The following SKA2 variants were observed in gnomAD, a reference collection of about 807,000 sequenced individuals.
SKA2 encodes spindle and kinetochore-associated protein 2.
SKA2 carries 13 observed loss-of-function variants against 16.9 expected under a neutral mutation model. The observed-to-expected ratio is 0.77, with a 90% confidence interval of 0.50 to 1.22. SKA2 has a LOEUF of 1.22. SKA2 is among the 50% of genes most tolerant of loss of function. SKA2 has a pLI of 0.00. For synonymous variants in SKA2, 47 were observed against 48.5 expected (o/e 0.97, Z 0.13); for missense variants, 107 against 139.7 (o/e 0.77, Z 1.18).
intron 2 of SKA2, among the ~76,000 whole-genome samples, chr17:59,125,484 T>G (rs983835698): frequency 2.0e-5 from 3 of 150,242 alleles, no homozygotes; most frequent in Admixed American, 1.3e-4. Context: ...GTGGATCACC[T>G]GAGGTCAGGA....
chr17:59,126,464 T>C (rs2046373429), intron 2 of SKA2, among the ~76,000 whole-genome samples: 1 of 152,070 alleles, frequency 6.6e-6, no homozygotes, highest in African/African-American at 2.4e-5. Context: ...CACATAGTAA[T>C]GTTCAATAAA....
chr17:59,121,063 A>C (rs535373666), intron 2 of SKA2, among the ~76,000 whole-genome samples: 1 of 151,628 alleles, frequency 6.6e-6, no homozygotes, highest in Non-Finnish European at 1.5e-5. Context: ...GAGGCAGGAG[A>C]ATCGCTTGAA....
At chr17:59,125,392 A>G (rs993591299) in intron 2 of SKA2, among the ~76,000 whole-genome samples, 1 of 151,662 alleles carries the variant, frequency 6.6e-6, no homozygotes, top group Non-Finnish European at 1.5e-5. Flanking sequence ...TTTAGTTATC[A>G]TGAGTGGATG....
At chr17:59,146,852 G>A (rs2046536006) in intron 1 of SKA2, among the ~76,000 whole-genome samples, 1 of 152,122 alleles carries the variant, frequency 6.6e-6, no homozygotes, top group Non-Finnish European at 1.5e-5. Context: ...TTTATTTTTA[G>A]TAGAGACGAG....
At chr17:59,123,338 C>T (rs2046349507) in intron 2 of SKA2, among the ~76,000 whole-genome samples, 1 of 145,672 alleles carries the variant, frequency 6.9e-6, no homozygotes, top group Non-Finnish European at 1.5e-5. Context: ...GCGGGTGGAT[C>T]ATGAGGTCAG....
chr17:59,112,310 T>C lies in SKA2; in HGVS notation c.333A>G (p.Ala111=). 1 of 1,611,358 alleles carries C rather than the reference T, an allele frequency of 6.2e-7. No homozygotes were observed. The change falls in exon 4 of 4, where the codon GCA becomes GCG. Residue 111 remains alanine (A), a synonymous_variant. Coordinates refer to ENST00000330137, the MANE Select transcript of SKA2 (RefSeq NM_182620.4). ...SPLTKEEKTA[A]EQFKFHMPDL ...CTGGCATGTGAAATTTGAATTGCTC[T>C]GCCGCAGTTTTCTCTTCTTTAGTCA... is the stretch of plus-strand genomic sequence containing the variant.
intron 1 of SKA2, among the ~76,000 whole-genome samples, chr17:59,132,035 G>A (rs890228241): frequency 6.6e-6 from 1 of 152,160 alleles, no homozygotes; most frequent in African/African-American, 2.4e-5. Context: ...TAGGATGCCT[G>A]AATTAAAGTG....
chr17:59,154,172 GAA>G (rs111310705), intron 1 of SKA2, among the ~76,000 whole-genome samples: 3 of 114,852 alleles, frequency 2.6e-5, no homozygotes, highest in Non-Finnish European at 3.6e-5. Context: ...CCCAACCTGG[GAA>G]AAAAAAAAAA....
At chr17:59,145,090 G>A (rs1446264490) in intron 1 of SKA2, among the ~76,000 whole-genome samples, 1 of 152,176 alleles carries the variant, frequency 6.6e-6, no homozygotes, top group African/African-American at 2.4e-5. Flanking sequence ...GAGCCACCAT[G>A]CCCAGTTGAG....
Position 59,111,134 on chromosome 17 carries a change from A to C in SKA2, c.*1143T>G, listed in dbSNP as rs1364487102. 6.6e-6 allele frequency: 1 copy of C among 152,174 alleles called. No homozygotes were observed. The highest frequency in any genetic ancestry group is 1.5e-5 in the Non-Finnish European group (1 of 68,032). The allele number at this position is 152,174 out of a possible 1,614,324, so 9.4% of individuals were successfully genotyped here. The stretch of plus-strand genomic sequence containing the variant: ...GACACTCAAAAGTTAAGTGATCTGC[A>C]CAGGGTCATAGCTAGAATTTAAAAG... On this transcript the variant is annotated 3_prime_UTR_variant, in exon 4 of 4. Transcript: ENST00000330137.
intron 1 of SKA2, among the ~76,000 whole-genome samples, chr17:59,141,944 T>C (rs1031784276): frequency 2.0e-5 from 3 of 152,062 alleles, no homozygotes; most frequent in Non-Finnish European, 4.4e-5. Flanking sequence ...TCTCATCCTC[T>C]TTGAACCCAT....
At chr17:59,122,171 G>A (rs1227527967) in intron 2 of SKA2, among the ~76,000 whole-genome samples, 1 of 152,116 alleles carries the variant, frequency 6.6e-6, no homozygotes, top group Non-Finnish European at 1.5e-5. Flanking sequence ...TTAGTGAAAA[G>A]TATATAGAAA....
At chr17:59,135,341 G>T (rs1255351975) in intron 1 of SKA2, among the ~76,000 whole-genome samples, 1 of 142,884 alleles carries the variant, frequency 7.0e-6, no homozygotes, top group African/African-American at 2.6e-5. Context: ...TTTTTAGAAG[G>T]AGTCTCACTC....
intron 2 of SKA2, among the ~76,000 whole-genome samples, chr17:59,125,687 A>T (rs1320329800): frequency 6.8e-6 from 1 of 146,572 alleles, no homozygotes; most frequent in Non-Finnish European, 1.5e-5. Flanking sequence ...CCGTCTCCAA[A>T]AAAAAAAAAA....
intron 2 of SKA2, among the ~76,000 whole-genome samples, chr17:59,128,887 T>C (rs1333382997): frequency 6.6e-6 from 1 of 152,086 alleles, no homozygotes; most frequent in Admixed American, 6.6e-5. Context: ...CTTAATTATA[T>C]ACTTTAAAGG....
At chr17:59,147,344 G>A (rs190191361) in intron 1 of SKA2, among the ~76,000 whole-genome samples, 1 of 147,476 alleles carries the variant, frequency 6.8e-6, no homozygotes, top group African/African-American at 2.6e-5. Flanking sequence ...TTAAGGCCAG[G>A]GCTGGTAACT....
intron 1 of SKA2, among the ~76,000 whole-genome samples, chr17:59,154,747 T>C (rs2046608985): frequency 6.6e-6 from 1 of 152,214 alleles, no homozygotes; most frequent in Non-Finnish European, 1.5e-5. Flanking sequence ...TCCCCTTTCT[T>C]GGAGTGTGAA....
rs758187008 is a variant in SKA2, at chr17:59,148,808, C to CAAAAAAAAAAAAA, written c.33+6310_33+6322dup. On this transcript the variant is annotated intron_variant, in intron 1 of 3. Transcript: ENST00000330137. ...TGGGTAATAGAACAAGACCCTGTCT[C>CAAAAAAAAAAAAA]AAAAAAAAAAAAAAAAAAAAAAGAA... Among the ~76,000 whole-genome samples the CAAAAAAAAAAAAA allele has an allele frequency of 7.4e-3, 347 of 47,086 alleles. 1 individual carries two copies. The highest frequency in any genetic ancestry group is 0.01 in the East Asian group (16 of 1,588). The allele number at this position is 47,086 out of a possible 152,430, so 30.9% of individuals were successfully genotyped here.
At chr17:59,114,196 A>T (rs1381684936) in intron 3 of SKA2, among the ~76,000 whole-genome samples, 2 of 152,186 alleles carry the variant, frequency 1.3e-5, no homozygotes, top group Admixed American at 1.3e-4. Flanking sequence ...TCCATTCCCT[A>T]TGCCAATCAG....
Sources: allele counts gnomAD v4.1 joint callset (sites outside exome capture counted in the v4.1 genomes callset), GRCh38; gene constraint gnomAD v4.1.1; transcripts MANE v1.5; gene names NCBI Gene and HGNC (gene_info 2026-07-23, HGNC 2026-07-21).